TIAM1: variants seen among roughly 807,000 people sequenced by gnomAD.
TIAM1 encodes the protein TIAM Rac1 associated GEF 1.
Under a neutral mutation model 163.5 loss-of-function variants are expected in TIAM1, and 65 were observed. The ratio of observed to expected loss-of-function variants is 0.40; its 90% CI spans 0.33 to 0.49. The LOEUF (loss-of-function observed/expected upper bound fraction) is 0.49, where lower values mean the gene tolerates loss of function less well. Ranked by LOEUF, TIAM1 falls within the 20% of genes least tolerant of loss-of-function variation. The pLI is 0.77. For missense variants in TIAM1, 1,789 were observed against 2,044.7 expected, an observed-to-expected ratio of 0.87 and a Z score of 2.41; for synonymous variants, 833 against 810.1, an observed-to-expected ratio of 1.03 and a Z score of -0.48.
In TIAM1 at chr21:31,202,988, G is replaced by T. The variant is rs2086278150; in HGVS notation, c.2413C>A (p.His805Asn). 6.2e-7 allele frequency: 1 copy of T among 1,613,768 alleles called. No homozygotes were observed. Among genetic ancestry groups the T allele is most frequent in the Non-Finnish European group, 8.5e-7 (1 of 1,180,016 alleles). ...ATTAGAAATTTCAGGCGCAGGTAAT[G>T]AGCAGAATGATCCAGTTGATGTGTC... is the stretch of plus-strand genomic sequence containing the variant. ...CKTHQLDHSAHYLRLKFLIEN... is the reference protein window; with the variant it reads ...CKTHQLDHSANYLRLKFLIEN... The change falls in exon 12 of 28, where the codon CAT (histidine) becomes AAT (asparagine). Residue 805 changes from histidine to asparagine, a missense_variant. His to Asn is a moderately conservative substitution (Grantham distance 68). Around this residue, in one of 5 missense-constraint regions of TIAM1, gnomAD observed 456 missense variants for 586.6 expected, o/e 0.78. Coordinates refer to ENST00000541036, the MANE Select transcript of TIAM1 (RefSeq NM_001353694.2).
intron 9 of TIAM1, among the ~76,000 whole-genome samples, chr21:31,215,919 G>C (rs1233822045): frequency 6.6e-6 from 1 of 152,180 alleles, no homozygotes; most frequent in Non-Finnish European, 1.5e-5. Context: ...CCAGCACTTT[G>C]GGAGGCCGAA....
chr21:31,377,903 G>A lies in TIAM1; in HGVS notation c.-368-38481C>T, dbSNP rs573132228. The stretch of plus-strand genomic sequence containing the variant: ...TGTAATCCCAGCACTTTGGGAGGCC[G>A]AGGTGGGCAGATCACTTGAAGATGG... On this transcript the variant is annotated intron_variant, in intron 2 of 28. Transcript: ENST00000286827. Among the ~76,000 whole-genome samples, 11 of 151,696 alleles carry A rather than the reference G, an allele frequency of 7.3e-5. No homozygotes were observed. The South Asian group carries it at 1.9e-3, about 26-fold the overall frequency.
chr21:31,395,231 C>G lies in TIAM1; in HGVS notation c.-368-55809G>C, dbSNP rs1191882772. Reference sequence around the variant, plus strand: ...CCAGCCTGGGCAACAGAGTGAGACTCTGTCTCAAAAAAAAAAAAGAGGAGG... The same window carrying G: ...CCAGCCTGGGCAACAGAGTGAGACTGTGTCTCAAAAAAAAAAAAGAGGAGG... On this transcript the variant is annotated intron_variant, in intron 2 of 28. Transcript: ENST00000286827. This position sits in a 1 kb window ranked among gnomAD's most constrained non-coding sequence, Gnocchi z 7.5. Among the ~76,000 whole-genome samples, 1 of 116,058 alleles carries G rather than the reference C, an allele frequency of 8.6e-6. No homozygotes were observed. Among genetic ancestry groups the G allele is most frequent in the Admixed American group, 1.0e-4 (1 of 9,734 alleles). The allele number at this position is 116,058 out of a possible 152,430, so 76.1% of individuals were successfully genotyped here.
intron 1 of TIAM1, among the ~76,000 whole-genome samples, chr21:31,525,208 A>C (rs1006320092): frequency 1.3e-5 from 2 of 151,948 alleles, no homozygotes; most frequent in Non-Finnish European, 2.9e-5. Flanking sequence ...GTCTCTAATA[A>C]AAACACAAAA....
intron 2 of TIAM1, among the ~76,000 whole-genome samples, chr21:31,458,384 C>T (rs1225240203): frequency 6.6e-6 from 1 of 151,676 alleles, no homozygotes; most frequent in Non-Finnish European, 1.5e-5. Context: ...CACACCATTG[C>T]ACTCCAGCCT....
intron 1 of TIAM1, among the ~76,000 whole-genome samples, chr21:31,558,116 A>G (rs1225989604): frequency 2.0e-5 from 3 of 152,118 alleles, no homozygotes; most frequent in African/African-American, 7.2e-5. Flanking sequence ...CTCTCGCCCA[A>G]TGGCGAGGTC....
At chr21:31,456,753 C>A (rs2045118179) in intron 2 of TIAM1, among the ~76,000 whole-genome samples, 1 of 152,176 alleles carries the variant, frequency 6.6e-6, no homozygotes, top group Non-Finnish European at 1.5e-5. Context: ...GCATCCTATT[C>A]TATCATCCAT....
intron 5 of TIAM1, among the ~76,000 whole-genome samples, chr21:31,247,558 C>T (rs924628497): frequency 1.3e-5 from 2 of 151,802 alleles, no homozygotes; most frequent in African/African-American, 2.4e-5. Flanking sequence ...CCATACCTGG[C>T]TAATTTGTGT....
At chr21:31,473,135 A>G (rs1171711683) in intron 1 of TIAM1, among the ~76,000 whole-genome samples, 1 of 152,110 alleles carries the variant, frequency 6.6e-6, no homozygotes, top group African/African-American at 2.4e-5. Flanking sequence ...AGTTACTTAC[A>G]AAAAGAACAT....
At chr21:31,542,893 G>A (rs1320327650) in intron 1 of TIAM1, among the ~76,000 whole-genome samples, 1 of 151,572 alleles carries the variant, frequency 6.6e-6, no homozygotes, top group Non-Finnish European at 1.5e-5. Flanking sequence ...ACTCAAACTC[G>A]GGAGGCGGAG....
chr21:31,210,770 GAAAGAAAGAAAGAA>G (rs1569034543), intron 10 of TIAM1, among the ~76,000 whole-genome samples: 20 of 138,290 alleles, frequency 1.4e-4, no homozygotes, highest in African/African-American at 6.1e-4. Context: ...AAGAAAGAAA[GAAAGAAAGAAAGAA>G]AGAAAGAAAG....
At chr21:31,349,947 G>A (rs2076207453) in intron 2 of TIAM1, among the ~76,000 whole-genome samples, 1 of 152,220 alleles carries the variant, frequency 6.6e-6, no homozygotes, top group Non-Finnish European at 1.5e-5. Context: ...CTCTAAATGG[G>A]CGAATGGGCA....
upstream of TIAM1, among the ~76,000 whole-genome samples, chr21:31,345,040 A>G (rs1422426405): frequency 6.6e-6 from 1 of 152,246 alleles, no homozygotes; most frequent in East Asian, 1.9e-4. Flanking sequence ...GTTTCCAAAC[A>G]GAAGTTTCTT....
At chr21:31,467,454 C>G (rs536865591) in intron 1 of TIAM1, among the ~76,000 whole-genome samples, 1 of 151,432 alleles carries the variant, frequency 6.6e-6, no homozygotes, top group Admixed American at 6.6e-5. Context: ...GGTGAAACCC[C>G]GTGTCTACTA....
chr21:31,141,359 G>T lies in TIAM1; in HGVS notation c.3621C>A (p.Thr1207=), dbSNP rs201062270. ...PLLLRELFAL[T]DAESEEHYHL... ...GGTAGTGCTCCTCGCTCTCCGCATCGGTCAGGGCGAACAGCTCCCTGAGCA... is the reference window on the plus strand; with the variant it reads ...GGTAGTGCTCCTCGCTCTCCGCATCTGTCAGGGCGAACAGCTCCCTGAGCA... The change falls in exon 21 of 28, where the codon ACC becomes ACA. Residue 1207 remains threonine, a synonymous_variant. Coordinates refer to ENST00000541036, the MANE Select transcript of TIAM1 (RefSeq NM_001353694.2). This position sits in a 1 kb window ranked among gnomAD's most constrained non-coding sequence, Gnocchi z 4.7. The T allele has an allele frequency of 7.9e-5, 127 of 1,614,222 alleles. 1 individual carries two copies. The South Asian group carries it at 1.1e-3, about 14-fold the overall frequency.
chr21:31,241,298 C>G (rs1188194258), intron 6 of TIAM1, among the ~76,000 whole-genome samples: 1 of 152,184 alleles, frequency 6.6e-6, no homozygotes, highest in Non-Finnish European at 1.5e-5. Context: ...AGTTCCTAAG[C>G]TCACCCTATG....
chr21:31,210,659 A>AAG (rs1225839495), intron 10 of TIAM1, among the ~76,000 whole-genome samples: 8 of 18,458 alleles, frequency 4.3e-4, no homozygotes, highest in South Asian at 3.5e-3. Context: ...GAAAGAAAGA[A>AAG]AGAAAGAAAA....
At chr21:31,533,952 G>C (rs1057017574) in intron 1 of TIAM1, among the ~76,000 whole-genome samples, 3 of 152,092 alleles carry the variant, frequency 2.0e-5, no homozygotes, top group African/African-American at 7.2e-5. Context: ...CGAGGGATTC[G>C]GGATCTCTTA....
chr21:31,168,892 G>C (rs1416495224), intron 15 of TIAM1, among the ~76,000 whole-genome samples: 1 of 152,210 alleles, frequency 6.6e-6, no homozygotes. Context: ...ATCACTATGA[G>C]CAAGAGGCAA....
Sources: allele counts gnomAD v4.1 joint callset (sites outside exome capture counted in the v4.1 genomes callset), GRCh38; gene constraint gnomAD v4.1.1; regional missense constraint gnomAD v4.1.1; non-coding constraint Gnocchi (gnomAD v3.1); transcripts MANE v1.5; gene names NCBI Gene and HGNC (gene_info 2026-07-23, HGNC 2026-07-21).